The following CSMD1 variants were observed in gnomAD, a reference collection of about 807,000 sequenced individuals.
The protein encoded by CSMD1 is CUB and sushi domain-containing protein 1.
CSMD1 carries 213 observed loss-of-function variants against 417.5 expected under a neutral mutation model. The ratio of observed to expected loss-of-function variants is 0.51; its 90% CI spans 0.46 to 0.57. The LOEUF is 0.57. Among genes scored for constraint, CSMD1 ranks in the 20% least tolerant of loss-of-function variants. The probability of loss-of-function intolerance (pLI) is 0.00; values close to 1 mark genes in which losing one functional copy is unlikely to be tolerated. For synonymous variants in CSMD1, 2,862 were observed against 1,736.8 expected, an observed-to-expected ratio of 1.65 and a Z score of -16.11; for missense variants, 6,923 against 4,529.7, an observed-to-expected ratio of 1.53 and a Z score of -15.17.
intron 3 of CSMD1, among the ~76,000 whole-genome samples, chr8:4,213,416 G>C (rs1800443692): frequency 6.6e-6 from 1 of 152,140 alleles, no homozygotes; most frequent in Admixed American, 6.5e-5. Context: ...ACTGCTGGTA[G>C]TGCTTATGGT....
At chr8:4,722,668 G>T (rs549319008) in intron 1 of CSMD1, among the ~76,000 whole-genome samples, 2 of 150,928 alleles carry the variant, frequency 1.3e-5, no homozygotes, top group Non-Finnish European at 3.0e-5. Flanking sequence ...TATCCTCAGC[G>T]GAAAAAAAAA....
At chr8:3,391,812 G>A (rs1811366627) in intron 17 of CSMD1, among the ~76,000 whole-genome samples, 1 of 152,260 alleles carries the variant, frequency 6.6e-6, no homozygotes, top group South Asian at 2.1e-4. Flanking sequence ...CATTGGCATG[G>A]GCCTCTATGG....
chr8:4,363,147 G>C (rs937059907), intron 3 of CSMD1, among the ~76,000 whole-genome samples: 22 of 152,182 alleles, frequency 1.4e-4, no homozygotes, highest in African/African-American at 3.9e-4. Flanking sequence ...ATAGGTGAGA[G>C]ACAGTTTCAA....
intron 3 of CSMD1, among the ~76,000 whole-genome samples, chr8:4,236,680 T>C (rs1563317536): frequency 6.6e-6 from 1 of 152,240 alleles, no homozygotes; most frequent in Admixed American, 6.5e-5. Context: ...ATTTAAACTC[T>C]TCAAGCTTTG....
At chr8:4,691,113 C>G (rs956099960) in intron 1 of CSMD1, among the ~76,000 whole-genome samples, 2 of 152,056 alleles carry the variant, frequency 1.3e-5, no homozygotes, top group Non-Finnish European at 2.9e-5. Context: ...ATCTTTATGA[C>G]AGAATGAAAT....
intron 5 of CSMD1, among the ~76,000 whole-genome samples, chr8:3,962,869 C>G (rs748787066): frequency 4.6e-5 from 7 of 152,130 alleles, no homozygotes; most frequent in African/African-American, 1.7e-4. Flanking sequence ...ATTATTCAAG[C>G]TGTAAAACAA....
chr8:3,832,188 G>C (rs898457010), intron 5 of CSMD1, among the ~76,000 whole-genome samples: 3 of 152,168 alleles, frequency 2.0e-5, no homozygotes, highest in Non-Finnish European at 4.4e-5. Context: ...CGTGGAGGCT[G>C]AGTCACGTGG....
chr8:4,978,820 C>G (rs955827726), intron 1 of CSMD1, among the ~76,000 whole-genome samples: 10 of 151,910 alleles, frequency 6.6e-5, no homozygotes, highest in Non-Finnish European at 1.3e-4. Flanking sequence ...TGCCTGTAAT[C>G]CCAGCTACTC....
chr8:4,950,177 A>G (rs927150216), intron 1 of CSMD1, among the ~76,000 whole-genome samples: 1 of 152,196 alleles, frequency 6.6e-6, no homozygotes, highest in Non-Finnish European at 1.5e-5. Flanking sequence ...TGATTGTGCT[A>G]TCATAATCTT....
At chr8:4,867,201 C>G (rs190101501) in intron 1 of CSMD1, among the ~76,000 whole-genome samples, 1 of 152,068 alleles carries the variant, frequency 6.6e-6, no homozygotes, top group East Asian at 1.9e-4. Flanking sequence ...GTGCATCGTT[C>G]CAATCATTTG....
chr8:3,838,734 T>C (rs1802881102), intron 5 of CSMD1, among the ~76,000 whole-genome samples: 1 of 82,660 alleles, frequency 1.2e-5, no homozygotes, highest in Non-Finnish European at 2.0e-5. Context: ...ATTAATATTA[T>C]ATAGTATAAT....
chr8:4,085,433 A>T (rs1344080901), intron 3 of CSMD1, among the ~76,000 whole-genome samples: 1 of 152,244 alleles, frequency 6.6e-6, no homozygotes, highest in Non-Finnish European at 1.5e-5. Flanking sequence ...TTGATTATTT[A>T]GAAAATGAGT....
intron 7 of CSMD1, among the ~76,000 whole-genome samples, chr8:3,636,885 A>G (rs564451746): frequency 1.3e-5 from 2 of 152,280 alleles, no homozygotes; most frequent in South Asian, 4.1e-4. Flanking sequence ...TTTTGTTGCC[A>G]TTGTGAGGTA....
intron 1 of CSMD1, among the ~76,000 whole-genome samples, chr8:4,900,871 C>T (rs939749263): frequency 3.3e-5 from 5 of 152,192 alleles, no homozygotes; most frequent in Admixed American, 6.5e-5. Context: ...TTCCTTCAGT[C>T]GAGCACAGTC....
At chr8:4,874,040 C>G (rs1295095946) in intron 1 of CSMD1, among the ~76,000 whole-genome samples, 6 of 152,144 alleles carry the variant, frequency 3.9e-5, no homozygotes, top group Non-Finnish European at 8.8e-5. Context: ...ATCTATCTAT[C>G]TGTGTGTCAT....
At chr8:4,420,428 A>T (rs913606433) in intron 2 of CSMD1, among the ~76,000 whole-genome samples, 1 of 151,988 alleles carries the variant, frequency 6.6e-6, no homozygotes, top group African/African-American at 2.4e-5. Context: ...CAGGTTTATT[A>T]GGTAGGTGAA....
intron 4 of CSMD1, among the ~76,000 whole-genome samples, chr8:4,007,324 C>G (rs67053416): frequency 0.12 from 18,764 of 152,220 alleles, 1,361 homozygotes; most frequent in South Asian, 0.22. Context: ...CCTCATCCTC[C>G]ACCTCCTTTG....
chr8:3,341,900 C>G (rs1242739354), intron 23 of CSMD1, among the ~76,000 whole-genome samples: 1 of 152,126 alleles, frequency 6.6e-6, no homozygotes, highest in Non-Finnish European at 1.5e-5. Context: ...CATTGAACAT[C>G]TCGACAGGGA....
intron 7 of CSMD1, among the ~76,000 whole-genome samples, chr8:3,649,910 G>A (rs1429099387): frequency 6.6e-6 from 1 of 152,028 alleles, no homozygotes; most frequent in Non-Finnish European, 1.5e-5. Context: ...AGAGCTTTGT[G>A]CATGGTATAT....
Sources: allele counts gnomAD v4.1 joint callset (sites outside exome capture counted in the v4.1 genomes callset), GRCh38; gene constraint gnomAD v4.1.1; transcripts MANE v1.5; gene names NCBI Gene and HGNC (gene_info 2026-07-23, HGNC 2026-07-21).